TAF1: variants seen among roughly 807,000 people sequenced by gnomAD.
The protein encoded by TAF1 is TATA-box binding protein associated factor 1, also known as transcription initiation factor TFIID subunit 1.
Under a neutral mutation model 138.5 loss-of-function variants are expected in TAF1, and 2 were observed. The ratio of observed to expected loss-of-function variants is 0.01; its 90% CI spans 0.01 to 0.05. The LOEUF (loss-of-function observed/expected upper bound fraction) is 0.05, where lower values mean the gene tolerates loss of function less well. Among genes scored for constraint, TAF1 ranks in the 10% least tolerant of loss-of-function variants. The pLI, the probability that TAF1 is intolerant of heterozygous loss-of-function variation, is 1.00. For missense variants in TAF1, 709 were observed against 1,478.0 expected (o/e 0.48, Z 8.53); for synonymous variants, 437 against 503.2 (o/e 0.87, Z 1.76).
At chrX:71,392,506 G>C in intron 18 of TAF1, 63 bp from the exon 19 acceptor site, 1 of 1,083,026 alleles carries the variant, frequency 9.2e-7, no homozygotes, top group Non-Finnish European at 1.2e-6. Context: ...TACTCTTGTA[G>C]ATATTGGCTA....
chrX:71,470,951 C>A (rs1298477405), downstream of TAF1, among the ~76,000 whole-genome samples: 1 of 108,795 alleles, frequency 9.2e-6, no homozygotes, highest in East Asian at 2.9e-4. Context: ...CCCAGGAGCT[C>A]GAAGCTACAG....
At chrX:71,430,968 G>A (rs1242343462) in intron 32 of TAF1, among the ~76,000 whole-genome samples, 1 of 105,922 alleles carries the variant, frequency 9.4e-6, no homozygotes, top group African/African-American at 3.5e-5. Flanking sequence ...CTTTTAATAG[G>A]TAGTTAGCTG....
At chrX:71,449,280 G>A (rs935236791) in intron 32 of TAF1, among the ~76,000 whole-genome samples, 2 of 110,140 alleles carry the variant, frequency 1.8e-5, no homozygotes, top group Non-Finnish European at 3.8e-5. Context: ...GTGAGCCACC[G>A]TGCCCGGCCT....
At chrX:71,449,207 G>A (rs1378131838) in intron 32 of TAF1, among the ~76,000 whole-genome samples, 9 of 111,745 alleles carry the variant, frequency 8.1e-5, no homozygotes, top group Non-Finnish European at 5.6e-5. Flanking sequence ...GGTCAGGCTG[G>A]TCTCGAACTC....
At position 71,503,332 on chromosome X, in the gene TAF1, A is replaced by ATATATATGTG. The variant is rs1298327855; in HGVS notation, c.1367-25203_1367-25202insGTGTATATAT. Reference sequence around the variant, plus strand: ...TATATATATATATATGTGTGTGTATATATATATATATGTGTATATATATAT... The same window carrying ATATATATGTG: ...TATATATATATATATGTGTGTGTATATATATATGTGTATATATATATGTGTATATATATAT... On this transcript the variant is annotated intron_variant and NMD_transcript_variant, in intron 13 of 14. Coordinates refer to the TAF1 transcript ENST00000373775. Among the ~76,000 whole-genome samples, 7 of 98,907 alleles carry ATATATATGTG rather than the reference A, an allele frequency of 7.1e-5. 1 individual carries two copies. The highest frequency in any genetic ancestry group is 2.7e-4 in the African/African-American group (7 of 26,393). 85.9% of individuals were successfully genotyped at this position (98,907 alleles called of 115,157 possible). A position where few individuals can be genotyped will look rare whatever the true frequency, so the allele number is the denominator to read the frequency against.
chrX:71,383,150 A>G lies in TAF1; in HGVS notation c.1933A>G (p.Lys645Glu). ...AGTCCAACCTTTGCTAAAGCACATC[A>G]AAAAAAAGGCCAAGGTATAATTGAA... ...HSVQPLLKHIKKKAKMREQER... is the reference protein window; with the variant it reads ...HSVQPLLKHIEKKAKMREQER... The change falls in exon 12 of 38, where the codon AAA (lysine) becomes GAA (glutamate). Residue 645 changes from lysine to glutamate, a missense_variant. Lys to Glu is a moderately conservative substitution (Grantham distance 56, BLOSUM62 1). Around this residue, in one of 14 missense-constraint regions of TAF1, gnomAD observed 201 missense variants for 421.3 expected, o/e 0.48. Coordinates refer to ENST00000423759, the MANE Select transcript of TAF1 (RefSeq NM_004606.5). 2 of 1,193,139 alleles carry G rather than the reference A, an allele frequency of 1.7e-6. No individual in the cohort carries two copies. Among genetic ancestry groups the G allele is most frequent in the Non-Finnish European group, 2.3e-6 (2 of 885,805 alleles).
At chrX:71,517,670 C>G (rs2039848931) in intron 13 of TAF1, among the ~76,000 whole-genome samples, 1 of 111,958 alleles carries the variant, frequency 8.9e-6, no homozygotes, top group Non-Finnish European at 1.9e-5. Context: ...AGTTTGAAGC[C>G]TGGCCAACAC....
chrX:71,391,918 C>T lies in TAF1; in HGVS notation c.2782-651C>T, dbSNP rs983596725. On this transcript the variant is annotated intron_variant, in intron 18 of 37. Coordinates refer to ENST00000423759, the MANE Select transcript of TAF1 (RefSeq NM_004606.5). ...TTGGGATTACAGGTGTGAGTCACCA[C>T]ACCTGGCCTCATGTACTCCTGACTG... Among the ~76,000 whole-genome samples, 7 of 111,103 alleles carry T rather than the reference C, an allele frequency of 6.3e-5. No homozygotes were observed. The Admixed American group carries it at 6.7e-4, about 11-fold the overall frequency.
intron 18 of TAF1, among the ~76,000 whole-genome samples, chrX:71,391,074 G>A (rs1046090927): frequency 6.3e-5 from 7 of 110,707 alleles, no homozygotes; most frequent in African/African-American, 9.8e-5. Flanking sequence ...TCAAACGATC[G>A]TCCTGCCTTG....
Position 71,388,801 on chromosome X carries a change from G to C in TAF1, c.2633G>C (p.Arg878Thr), listed in dbSNP as rs1008089853. The C allele has an allele frequency of 5.0e-6, 6 of 1,211,743 alleles. No homozygotes were observed. The highest frequency in any genetic ancestry group is 6.7e-6 in the Non-Finnish European group (6 of 895,425). Residue 878 changes from arginine (R) to threonine (T), a missense_variant, in exon 17 of 38, where the codon AGA becomes ACA. This residue lies in a region of TAF1 where 23 missense variants were observed against 24.4 expected (regional missense o/e 0.94). Transcript: ENST00000423759. The part of the protein sequence containing the change: ...DFRLPTEEEI[R>T]AMVSPEQCCA... ...CGTTTACCAACGGAAGAAGAGATCA[G>C]AGCTATGGTGTCACCAGAGCAGTGC...
chrX:71,376,987 C>T lies in TAF1; in HGVS notation c.510C>T (p.Ile170=), dbSNP rs2033524016. The T allele has an allele frequency of 1.7e-6, 2 of 1,209,935 alleles. No individual in the cohort carries two copies. Among genetic ancestry groups the T allele is most frequent in the Admixed American group, 2.2e-5 (1 of 45,628 alleles). ...GAGAAGGCATCATCTTGCCCTCCAT[C>T]ATTGCCCCTTCCTCTTTGGCCTCAG... ...ENGEGIILPS[I]IAPSSLASEK... Residue 170 remains isoleucine (I), a synonymous_variant, in exon 5 of 38, where the codon ATC becomes ATT. Coordinates refer to ENST00000423759, the MANE Select transcript of TAF1 (RefSeq NM_004606.5).
intron 13 of TAF1, among the ~76,000 whole-genome samples, chrX:71,484,385 T>A (rs2039135268): frequency 9.4e-6 from 1 of 106,534 alleles, no homozygotes; most frequent in Admixed American, 1.0e-4. Context: ...CAAGCTGGAG[T>A]GCAGTGGTGT....
chrX:71,434,938 T>G (rs773529281), intron 32 of TAF1, among the ~76,000 whole-genome samples: 1 of 112,581 alleles, frequency 8.9e-6, no homozygotes, highest in Non-Finnish European at 1.9e-5. Flanking sequence ...ACTTAATGTT[T>G]AGTTAAATTT....
chrX:71,463,607 GT>G (rs1413043558), intron 37 of TAF1, among the ~76,000 whole-genome samples: 1 of 111,897 alleles, frequency 8.9e-6, no homozygotes, highest in Non-Finnish European at 1.9e-5. Flanking sequence ...GTGTAAGGGA[GT>G]TTCTTCCATT....
intron 13 of TAF1, among the ~76,000 whole-genome samples, chrX:71,518,198 C>G (rs2039857526): frequency 9.2e-6 from 1 of 108,372 alleles, no homozygotes; most frequent in Admixed American, 9.8e-5. Context: ...GAGACGGAGT[C>G]TTGCTCTATT....
intron 13 of TAF1, among the ~76,000 whole-genome samples, chrX:71,518,379 A>G (rs1277731955): frequency 1.8e-5 from 2 of 110,437 alleles, no homozygotes; most frequent in Non-Finnish European, 3.8e-5. Flanking sequence ...CATGTTGCCC[A>G]GGGTGGTTTC....
At chrX:71,405,527 T>A (rs2035421467) in intron 25 of TAF1, among the ~76,000 whole-genome samples, 1 of 111,523 alleles carries the variant, frequency 9.0e-6, no homozygotes, top group South Asian at 3.7e-4. Context: ...ATTTTTGTAT[T>A]TTTAGTAGAG....
chrX:71,399,342 C>T (rs1221650198), intron 24 of TAF1, among the ~76,000 whole-genome samples: 4 of 100,384 alleles, frequency 4.0e-5, no homozygotes, highest in Admixed American at 1.1e-4. Context: ...TTGCAGCCTC[C>T]GCCTCCTGGG....
At chrX:71,490,784 G>C (rs1446702221) in intron 13 of TAF1, among the ~76,000 whole-genome samples, 8 of 105,759 alleles carry the variant, frequency 7.6e-5, no homozygotes, top group Non-Finnish European at 1.4e-4. Flanking sequence ...CTGGAATGCA[G>C]TGGCACGATC....
Sources: gnomAD v4.1 joint callset for allele counts (sites outside exome capture counted in the v4.1 genomes callset) on GRCh38, gnomAD v4.1.1 for gene constraint, gnomAD v4.1.1 regional missense constraint, MANE v1.5 for transcripts, NCBI Gene and HGNC (gene_info 2026-07-23, HGNC 2026-07-21) for gene names.